Variants in NCAM2 observed in about 807,000 individuals in gnomAD.
NCAM2 encodes N-CAM-2.
NCAM2 carries 30 observed loss-of-function variants against 98.1 expected under a neutral mutation model. That is an observed-to-expected ratio of 0.31 (90% CI 0.23 to 0.41). The LOEUF (loss-of-function observed/expected upper bound fraction) is 0.41. Ranked by LOEUF, NCAM2 falls within the 10% of genes least tolerant of loss-of-function variation. The pLI is 1.00. For missense variants in NCAM2, 867 were observed against 1,005.8 expected (o/e 0.86, Z 1.87); for synonymous variants, 368 against 342.4 (o/e 1.07, Z -0.83).
At chr21:21,477,825 T>C (rs922248602) in intron 15 of NCAM2, among the ~76,000 whole-genome samples, 9 of 152,190 alleles carry the variant, frequency 5.9e-5, no homozygotes, top group African/African-American at 2.2e-4. Context: ...TGGAGACTGA[T>C]GATCCAATTC....
At chr21:21,193,976 G>A (rs1403500249) in intron 1 of NCAM2, among the ~76,000 whole-genome samples, 1 of 151,888 alleles carries the variant, frequency 6.6e-6, no homozygotes, top group African/African-American at 2.4e-5. Flanking sequence ...TATGTGCCTT[G>A]TATTAAAGTG....
At chr21:21,126,191 C>T (rs1173140881) in intron 1 of NCAM2, among the ~76,000 whole-genome samples, 1 of 131,520 alleles carries the variant, frequency 7.6e-6, no homozygotes, top group African/African-American at 2.9e-5. Flanking sequence ...GGGTAGGAGC[C>T]ATGAGACCAG....
At chr21:21,157,801 T>C (rs1052052840) in intron 1 of NCAM2, among the ~76,000 whole-genome samples, 4 of 152,192 alleles carry the variant, frequency 2.6e-5, no homozygotes, top group African/African-American at 9.6e-5. Flanking sequence ...AAGTGGTTAG[T>C]CTTTAAAAAG....
chr21:21,215,736 T>A (rs1328473026), intron 1 of NCAM2, among the ~76,000 whole-genome samples: 7 of 120,138 alleles, frequency 5.8e-5, no homozygotes, highest in Non-Finnish European at 1.4e-4. Context: ...TTCAAAAAAA[T>A]AAATAAATAA....
At chr21:21,214,912 T>G (rs1357471612) in intron 1 of NCAM2, among the ~76,000 whole-genome samples, 1 of 151,534 alleles carries the variant, frequency 6.6e-6, no homozygotes. Flanking sequence ...ATTGTCTTAT[T>G]AGAAGGGCTT....
At chr21:21,080,597 C>G (rs113476809) in intron 1 of NCAM2, among the ~76,000 whole-genome samples, 110 of 72,862 alleles carry the variant, frequency 1.5e-3, no homozygotes, top group African/African-American at 5.9e-3. Context: ...GCCTGGGCAA[C>G]AAGAGCAAAA....
intron 1 of NCAM2, among the ~76,000 whole-genome samples, chr21:21,121,140 G>T (rs1386491477): frequency 6.6e-6 from 1 of 152,144 alleles, no homozygotes; most frequent in South Asian, 2.1e-4. Context: ...TTTTAGTGTT[G>T]CAGATTTTCA....
rs1255616119 is a variant in NCAM2, at chr21:21,541,635, A to C, written c.*3678A>C. The C allele has an allele frequency of 6.7e-6, 1 of 150,330 alleles. No homozygotes were observed. Among genetic ancestry groups the C allele is most frequent in the African/African-American group, 2.5e-5 (1 of 40,052 alleles). The allele number at this position is 150,330 out of a possible 1,614,324, so 9.3% of individuals were successfully genotyped here. ...ATATATTTTTTATTTCGAATAATAA[A>C]TCAACCTTTATTTTTGGCAATAAGA... On this transcript the variant is annotated 3_prime_UTR_variant, in exon 18 of 18. Coordinates refer to ENST00000400546, the MANE Select transcript of NCAM2 (RefSeq NM_004540.5).
intron 12 of NCAM2, among the ~76,000 whole-genome samples, chr21:21,441,093 T>C (rs1427160117): frequency 1.3e-5 from 2 of 152,220 alleles, no homozygotes; most frequent in Non-Finnish European, 1.5e-5. Context: ...TCTCAATTTG[T>C]AGATTTTTAA....
intron 1 of NCAM2, among the ~76,000 whole-genome samples, chr21:21,219,833 G>A (rs2070066019): frequency 6.6e-6 from 1 of 152,124 alleles, no homozygotes; most frequent in Admixed American, 6.6e-5. Context: ...AGTGGGACAC[G>A]GTGTGGAGGT....
intron 12 of NCAM2, among the ~76,000 whole-genome samples, chr21:21,439,869 C>G (rs1338557803): frequency 6.6e-6 from 1 of 152,106 alleles, no homozygotes; most frequent in Non-Finnish European, 1.5e-5. Context: ...TTCATTTATT[C>G]AAGTATAGAA....
At chr21:21,343,396 A>ACACACACACACAT in intron 8 of NCAM2, among the ~76,000 whole-genome samples, 1 of 103,610 alleles carries the variant, frequency 9.7e-6, no homozygotes, top group African/African-American at 4.1e-5. Flanking sequence ...CACACACACA[A>ACACACACACACAT]TCTTCATGAG....
rs1156588500 is a variant in NCAM2 at position 21,479,583 on chromosome 21, C to CAAAAAAAAAAAAAAA, written c.2077+2123_2077+2137dup. Among the ~76,000 whole-genome samples, 67 of 30,956 alleles carry CAAAAAAAAAAAAAAA rather than the reference C, an allele frequency of 2.2e-3. 2 individuals carry two copies. The highest frequency in any genetic ancestry group is 3.9e-3 in the African/African-American group (36 of 9,188). The allele number at this position is 30,956 out of a possible 152,430, so 20.3% of individuals were successfully genotyped here. A position where few individuals can be genotyped will look rare whatever the true frequency, so the allele number is the denominator to read the frequency against. Reference sequence around the variant, plus strand: ...TGGGAGACAGAGCGAGACTGCGTCTCAAAAAAAAAAAAAAAAAAAAAAAAA... The same window carrying CAAAAAAAAAAAAAAA: ...TGGGAGACAGAGCGAGACTGCGTCTCAAAAAAAAAAAAAAAAAAAAAAAAAAAAAAAAAAAAAAAA... On this transcript the variant is annotated intron_variant, in intron 15 of 17. Transcript: ENST00000400546.
At position 21,419,305 on chromosome 21, in the gene NCAM2, CTTTT is replaced by C. The variant is rs34109924; in HGVS notation, c.1480+754_1480+757del. ...AGATATTTGTGAAAGAAATAGGGAA[CTTTT>C]TTTTTTTTTTTTTTTTTGGATGTTA... On this transcript the variant is annotated intron_variant, in intron 11 of 17. Coordinates refer to ENST00000400546, the MANE Select transcript of NCAM2 (RefSeq NM_004540.5). Among the ~76,000 whole-genome samples, 760 of 99,914 alleles carry C rather than the reference CTTTT, an allele frequency of 7.6e-3. 4 individuals are homozygous for C. Among genetic ancestry groups the C allele is most frequent in the African/African-American group, 0.026 (666 of 25,590 alleles). 65.5% of individuals were successfully genotyped at this position (99,914 alleles called of 152,430 possible).
chr21:21,071,873 A>G (rs9981042), intron 1 of NCAM2, among the ~76,000 whole-genome samples: 77 of 11,448 alleles, frequency 6.7e-3, no homozygotes, highest in African/African-American at 9.7e-3. Flanking sequence ...ATGTCTGCCT[A>G]TCTATCTATC....
At chr21:21,142,380 T>TA (rs1246791408) in intron 1 of NCAM2, among the ~76,000 whole-genome samples, 4 of 140,706 alleles carry the variant, frequency 2.8e-5, no homozygotes, top group African/African-American at 1.1e-4. Flanking sequence ...TTTTTATGTT[T>TA]TTTTTTTTTT....
At chr21:21,248,776 CAAAAAAAAAAAAAAAAAAAAAA>C (rs1171857115) in intron 1 of NCAM2, among the ~76,000 whole-genome samples, 17 of 50,680 alleles carry the variant, frequency 3.4e-4, no homozygotes, top group African/African-American at 7.4e-4. Flanking sequence ...GACTCTGTCT[CAAAAAAAAAAAAAAAAAAAAAA>C]AAAAAAAAAA....
rs1436881562 is a variant in NCAM2, at chr21:21,408,951, A to G, written c.1196-1323A>G. On this transcript the variant is annotated intron_variant, in intron 9 of 17. Transcript: ENST00000400546. Reference sequence around the variant, plus strand: ...TCTGATATTTATATAATTAGTAGATATAACAAAACTGGATATTGCTTTTTT... The same window carrying G: ...TCTGATATTTATATAATTAGTAGATGTAACAAAACTGGATATTGCTTTTTT... 5.0e-5 allele frequency among the ~76,000 whole-genome samples: 6 copies of G among 119,276 alleles called. No homozygotes were observed. The East Asian group carries it at 7.8e-4, about 15-fold the overall frequency. The allele number at this position is 119,276 out of a possible 152,430, so 78.2% of individuals were successfully genotyped here.
At chr21:21,139,106 G>A (rs1181752289) in intron 1 of NCAM2, among the ~76,000 whole-genome samples, 1 of 152,144 alleles carries the variant, frequency 6.6e-6, no homozygotes, top group Non-Finnish European at 1.5e-5. Flanking sequence ...GGATTCTCTG[G>A]GTGGGCTCTA....
Sources: allele counts gnomAD v4.1 joint callset (sites outside exome capture counted in the v4.1 genomes callset), GRCh38; gene constraint gnomAD v4.1.1; transcripts MANE v1.5; gene names NCBI Gene and HGNC (gene_info 2026-07-23, HGNC 2026-07-21).